RRM2: variants seen among roughly 807,000 people sequenced by gnomAD.
The protein encoded by RRM2 is ribonucleotide reductase regulatory subunit M2.
RRM2 carries 6 observed loss-of-function variants against 45.9 expected under a neutral mutation model. That is an observed-to-expected ratio of 0.13 (90% CI 0.07 to 0.26). The LOEUF (loss-of-function observed/expected upper bound fraction) is 0.26, where lower values mean the gene tolerates loss of function less well. Among genes scored for constraint, RRM2 ranks in the 10% least tolerant of loss-of-function variants. RRM2 has a pLI of 1.00. For missense variants in RRM2, 343 were observed against 489.5 expected, an observed-to-expected ratio of 0.70 and a Z score of 2.82; for synonymous variants, 177 against 173.0, an observed-to-expected ratio of 1.02 and a Z score of -0.18.
chr2:10,131,833 A>G (rs931273285), downstream of RRM2, among the ~76,000 whole-genome samples: 2 of 152,242 alleles, frequency 1.3e-5, no homozygotes, highest in East Asian at 3.8e-4. Context: ...CACAAGGTGT[A>G]TAGGAGACAG....
rs1664141588 is a variant in RRM2 at position 10,185,324 on chromosome 2, C to T, written n.483-24987C>T. On this transcript the variant is annotated intron_variant and non_coding_transcript_variant, in intron 3 of 3. Coordinates refer to the RRM2 transcript ENST00000381786. This position sits in a 1 kb window ranked among gnomAD's most constrained non-coding sequence, Gnocchi z 4.3. Reference sequence around the variant, plus strand: ...GGAGAGGCTGAGCGTGGGAGGGAGACAGACGGCATCGATTCATTAATATAT... The same window carrying T: ...GGAGAGGCTGAGCGTGGGAGGGAGATAGACGGCATCGATTCATTAATATAT... Among the ~76,000 whole-genome samples, 1 of 152,068 alleles carries T rather than the reference C, an allele frequency of 6.6e-6. No individual in the cohort carries two copies. The highest frequency in any genetic ancestry group is 1.5e-5 in the Non-Finnish European group (1 of 68,028).
At chr2:10,206,988 T>C (rs1162030174) in intron 3 of RRM2, among the ~76,000 whole-genome samples, 2 of 152,140 alleles carry the variant, frequency 1.3e-5, no homozygotes, top group Non-Finnish European at 2.9e-5. Flanking sequence ...TCCACACCAA[T>C]GCACTTCAGG....
chr2:10,151,210 T>C (rs1172885815), intron 3 of RRM2, among the ~76,000 whole-genome samples: 2 of 152,238 alleles, frequency 1.3e-5, no homozygotes, highest in Non-Finnish European at 2.9e-5. Context: ...GCCATATTTA[T>C]TCATCCATTC....
At chr2:10,151,556 C>T (rs929656252) in intron 3 of RRM2, among the ~76,000 whole-genome samples, 10 of 151,990 alleles carry the variant, frequency 6.6e-5, no homozygotes, top group Non-Finnish European at 1.3e-4. Flanking sequence ...CCTTGGCCTC[C>T]GAAAGTGCTG....
At chr2:10,165,127 A>G (rs1663651940) in intron 3 of RRM2, among the ~76,000 whole-genome samples, 1 of 151,910 alleles carries the variant, frequency 6.6e-6, no homozygotes, top group South Asian at 2.1e-4. Flanking sequence ...GATTTTTTAT[A>G]TTTTGTAGAG....
intron 3 of RRM2, among the ~76,000 whole-genome samples, chr2:10,153,226 C>T (rs1174127969): frequency 2.6e-5 from 4 of 151,802 alleles, no homozygotes; most frequent in African/African-American, 7.3e-5. Context: ...CCCAGCTACT[C>T]GGGAGGCTGA....
rs1330858121 is a variant in RRM2, at chr2:10,195,764, G to A, written n.483-14547G>A. ...GTCGTGACTGGCTGAAGGCTGTCAC[G>A]GTGGTCCTGTGTAGGACTGGTTGCC... is the stretch of plus-strand genomic sequence containing the variant. On this transcript the variant is annotated intron_variant and non_coding_transcript_variant, in intron 3 of 3. Transcript: ENST00000381786. The surrounding 1 kb of genome is among the most constrained non-coding windows in gnomAD (Gnocchi z 4.9). 1.3e-5 allele frequency among the ~76,000 whole-genome samples: 2 copies of A among 152,198 alleles called. No homozygotes were observed. The highest frequency in any genetic ancestry group is 4.8e-5 in the African/African-American group (2 of 41,424).
chr2:10,199,577 C>T lies in RRM2; in HGVS notation n.483-10734C>T, dbSNP rs546233764. Among the ~76,000 whole-genome samples, 24 of 151,824 alleles carry T rather than the reference C, an allele frequency of 1.6e-4. 1 individual carries two copies. Among genetic ancestry groups the T allele is most frequent in the South Asian group, 1.5e-3 (7 of 4,804 alleles). On this transcript the variant is annotated intron_variant and non_coding_transcript_variant, in intron 3 of 3. Transcript: ENST00000381786. ...TGGGCGGATCACAAGGTCAGGAGAT[C>T]AAGACCATCCTGGCTAACACAGTGA... is the stretch of plus-strand genomic sequence containing the variant.
In RRM2 at chr2:10,185,328, C is replaced by T. The variant is rs932037218; in HGVS notation, n.483-24983C>T. On this transcript the variant is annotated intron_variant and non_coding_transcript_variant, in intron 3 of 3. Transcript: ENST00000381786. This position sits in a 1 kb window ranked among gnomAD's most constrained non-coding sequence, Gnocchi z 4.3. ...AGGCTGAGCGTGGGAGGGAGACAGACGGCATCGATTCATTAATATATTCAA... is the reference window on the plus strand; with the variant it reads ...AGGCTGAGCGTGGGAGGGAGACAGATGGCATCGATTCATTAATATATTCAA... 5.3e-5 allele frequency among the ~76,000 whole-genome samples: 8 copies of T among 152,154 alleles called. No homozygotes were observed. The highest frequency in any genetic ancestry group is 3.4e-3 in the Middle Eastern group (1 of 294).
chr2:10,196,274 C>A, intron 3 of RRM2, among the ~76,000 whole-genome samples: 1 of 152,174 alleles, frequency 6.6e-6, no homozygotes, highest in East Asian at 1.9e-4. Flanking sequence ...CCACGAGCCC[C>A]CACCAACTGC....
chr2:10,149,213 C>G (rs572613253), intron 3 of RRM2, among the ~76,000 whole-genome samples: 1 of 151,910 alleles, frequency 6.6e-6, no homozygotes, highest in East Asian at 1.9e-4. Flanking sequence ...GCTGCAACCT[C>G]TGCCTCCTGG....
intron 3 of RRM2, among the ~76,000 whole-genome samples, chr2:10,143,857 G>T (rs1375062425): frequency 6.6e-6 from 1 of 152,126 alleles, no homozygotes; most frequent in African/African-American, 2.4e-5. Flanking sequence ...TAGTAGAGAC[G>T]GGGTTTCACC....
intron 3 of RRM2, among the ~76,000 whole-genome samples, chr2:10,188,546 C>T (rs964075403): frequency 6.6e-6 from 1 of 152,160 alleles, no homozygotes; most frequent in Non-Finnish European, 1.5e-5. Flanking sequence ...CCTTAAAGAC[C>T]TCATCTCCAA....
At chr2:10,133,149 C>T (rs962427648), downstream of RRM2, among the ~76,000 whole-genome samples, 5 of 152,172 alleles carry the variant, frequency 3.3e-5, no homozygotes, top group African/African-American at 9.7e-5. Context: ...ATTATAATCA[C>T]CTGGGGGCTT....
At chr2:10,122,699 G>A, upstream of RRM2, 3 of 1,550,958 alleles carry the variant, frequency 1.9e-6, no homozygotes, top group Non-Finnish European at 1.7e-6. Flanking sequence ...GGAGCGCGCG[G>A]CGCGGGAGAT....
intron 2 of RRM2, chr2:10,142,163 G>A: frequency 6.4e-7 from 1 of 1,559,636 alleles, no homozygotes; most frequent in South Asian, 1.2e-5. Flanking sequence ...TCAGAGCAGA[G>A]TGAGGGGTGG....
At chr2:10,136,899 G>A (rs1027253554), upstream of RRM2, among the ~76,000 whole-genome samples, 1 of 152,174 alleles carries the variant, frequency 6.6e-6, no homozygotes, top group Non-Finnish European at 1.5e-5. Context: ...AAAGGTTGGG[G>A]CTGTTGAACC....
chr2:10,154,074 A>T lies in RRM2; in HGVS notation n.482+11699A>T, dbSNP rs1049015058. On this transcript the variant is annotated intron_variant and non_coding_transcript_variant, in intron 3 of 3. Coordinates refer to the RRM2 transcript ENST00000381786. ...TTTACCACAATTAAAGAGTATTTTT[A>T]AAAAAGCATATTCCCTCTGGGGTTA... is the stretch of plus-strand genomic sequence containing the variant. Among the ~76,000 whole-genome samples, 32 of 152,338 alleles carry T rather than the reference A, an allele frequency of 2.1e-4. 1 individual carries two copies. Among genetic ancestry groups the T allele is most frequent in the East Asian group, 1.9e-3 (10 of 5,184 alleles).
downstream of RRM2, among the ~76,000 whole-genome samples, chr2:10,135,945 A>G (rs1331888114): frequency 6.6e-6 from 1 of 151,720 alleles, no homozygotes; most frequent in African/African-American, 2.4e-5. Flanking sequence ...GTGCTGCCAT[A>G]TTCTCTTAGT....
Sources: allele counts gnomAD v4.1 joint callset (sites outside exome capture counted in the v4.1 genomes callset), GRCh38; gene constraint gnomAD v4.1.1; non-coding constraint Gnocchi (gnomAD v3.1); transcripts MANE v1.5; gene names NCBI Gene and HGNC (gene_info 2026-07-23, HGNC 2026-07-21).